The following IQCH variants were observed in gnomAD, a reference collection of about 807,000 sequenced individuals.
The protein encoded by IQCH is IQ domain-containing protein H.
In IQCH, 98 loss-of-function variants were observed where a neutral mutation model predicts 117.0. The ratio of observed to expected loss-of-function variants is 0.84; its 90% confidence interval spans 0.71 to 0.99. IQCH has a LOEUF of 0.99. IQCH is among the 50% of genes least tolerant of loss of function. The pLI, the probability that IQCH is intolerant of heterozygous loss-of-function variation, is 0.00. For synonymous variants in IQCH, 412 were observed against 448.2 expected (o/e 0.92, Z 1.02); for missense variants, 1,102 against 1,243.8 (o/e 0.89, Z 1.72).
At position 67,458,343 on chromosome 15, in the gene IQCH, A is replaced by G. The variant is rs1228112852; in HGVS notation, c.2506-6784A>G. Reference sequence around the variant, plus strand: ...TCCTTTTTCTCATACTGCACATCCAATCCATCAATAAGTCCTTTTAGTTCT... The same window carrying G: ...TCCTTTTTCTCATACTGCACATCCAGTCCATCAATAAGTCCTTTTAGTTCT... On this transcript the variant is annotated intron_variant, in intron 16 of 20. Transcript: ENST00000335894. This position sits in a 1 kb window ranked among gnomAD's most constrained non-coding sequence, Gnocchi z 4.1. 6.6e-6 allele frequency among the ~76,000 whole-genome samples: 1 copy of G among 152,160 alleles called. No homozygotes were observed. Among genetic ancestry groups the G allele is most frequent in the East Asian group, 1.9e-4 (1 of 5,198 alleles).
Position 67,490,112 on chromosome 15 carries a change from C to T in IQCH, c.2861+48C>T, listed in dbSNP as rs762638208. 2.5e-6 allele frequency: 3 copies of T among 1,177,190 alleles called. No homozygotes were observed. Among genetic ancestry groups the T allele is most frequent in the African/African-American group, 1.5e-5 (1 of 65,714 alleles). The allele number at this position is 1,177,190 out of a possible 1,614,324, so 72.9% of individuals were successfully genotyped here. A position where few individuals can be genotyped will look rare whatever the true frequency, so the allele number is the denominator to read the frequency against. On this transcript the variant is annotated intron_variant, in intron 19 of 20. Transcript: ENST00000335894. This position sits in a 1 kb window ranked among gnomAD's most constrained non-coding sequence, Gnocchi z 4.9. ...AGTTGCAATAAGCTAAGGAAATAGA[C>T]AATCACAACTAACAAGAATGATGCT...
rs965125714 is a variant in IQCH, at chr15:67,488,538, T to C, written c.2800-1465T>C. 5.9e-5 allele frequency among the ~76,000 whole-genome samples: 9 copies of C among 152,304 alleles called. No individual in the cohort carries two copies. In the South Asian group the frequency reaches 1.7e-3, roughly 28 times the overall value. ...TATCAGTTACCTATACTTTACAAAA[T>C]TGTAAAATATCTCCCATAGAATCAA... On this transcript the variant is annotated intron_variant, in intron 18 of 20. Coordinates refer to ENST00000335894, the MANE Select transcript of IQCH (RefSeq NM_001031715.3).
intron 18 of IQCH, among the ~76,000 whole-genome samples, chr15:67,484,456 C>T (rs976458688): frequency 1.9e-4 from 29 of 150,072 alleles, no homozygotes; most frequent in Middle Eastern, 3.6e-3. Flanking sequence ...AGGGGCTGGG[C>T]GCTGTGGCTC....
Position 67,395,468 on chromosome 15 carries a change from C to T in IQCH, c.1810C>T (p.His604Tyr), listed in dbSNP as rs1567152829. The change falls in exon 13 of 21, where the codon CAT becomes TAT. Residue 604 changes from histidine to tyrosine, a missense_variant. By Grantham distance (83) the His-to-Tyr change is moderately conservative. This residue lies in a region of IQCH where 650 missense variants were observed against 794.3 expected (regional missense o/e 0.82). Transcript: ENST00000335894. The surrounding 1 kb of genome is among the most constrained non-coding windows in gnomAD (Gnocchi z 4.0). ...CCTGGGCTCTGAGCCTGAACTAGCT[C>T]ATCTTTATAGTACCAAATCTGGAGG... ...PILGSEPELA[H>Y]LYSTKSGGKR... The T allele has an allele frequency of 6.2e-7, 1 of 1,614,076 alleles. No individual in the cohort carries two copies. The highest frequency in any genetic ancestry group is 1.1e-5 in the South Asian group (1 of 91,068).
chr15:67,435,120 G>A (rs753481262), intron 16 of IQCH, among the ~76,000 whole-genome samples: 9 of 151,652 alleles, frequency 5.9e-5, no homozygotes, highest in African/African-American at 1.2e-4. Context: ...CTCCCAAAGT[G>A]CTGGCATTAC....
Position 67,298,837 on chromosome 15 carries a change from G to C in IQCH, c.387+19325G>C, listed in dbSNP as rs142970490. Among the ~76,000 whole-genome samples, 11 of 152,214 alleles carry C rather than the reference G, an allele frequency of 7.2e-5. 2 individuals carry two copies. The highest frequency in any genetic ancestry group is 2.6e-4 in the African/African-American group (11 of 41,520). On this transcript the variant is annotated intron_variant, in intron 4 of 20. Coordinates refer to ENST00000335894, the MANE Select transcript of IQCH (RefSeq NM_001031715.3). The stretch of plus-strand genomic sequence containing the variant: ...GCAGAGATTGTGCCACTGTGCTCCA[G>C]CCTGGGTGACAGAGCAATAATCTGT...
At chr15:67,412,651 G>A (rs1428882646) in intron 14 of IQCH, among the ~76,000 whole-genome samples, 5 of 151,932 alleles carry the variant, frequency 3.3e-5, no homozygotes, top group African/African-American at 7.3e-5. Context: ...CACCCACCTC[G>A]GCCTCCCAAA....
At chr15:67,485,295 A>G (rs577266563) in intron 18 of IQCH, among the ~76,000 whole-genome samples, 1 of 152,362 alleles carries the variant, frequency 6.6e-6, no homozygotes, top group Admixed American at 6.5e-5. Context: ...ATAATTTAAT[A>G]TATGAATTTA....
In IQCH at chr15:67,424,508, CTG is replaced by C. The variant is rs1292564153; in HGVS notation, c.2505+2935_2505+2936del. ...ATTGTAAGCTCTTTTAAGCGATGTG[CTG>C]TGTTTCTTTTTGCTCCCCCACTGTA... On this transcript the variant is annotated intron_variant, in intron 16 of 20. Transcript: ENST00000335894. This position sits in a 1 kb window ranked among gnomAD's most constrained non-coding sequence, Gnocchi z 4.9. Among the ~76,000 whole-genome samples, 1 of 152,140 alleles carries C rather than the reference CTG, an allele frequency of 6.6e-6. No homozygotes were observed. The highest frequency in any genetic ancestry group is 1.9e-4 in the East Asian group (1 of 5,200).
intron 18 of IQCH, among the ~76,000 whole-genome samples, chr15:67,485,948 C>T (rs1197583480): frequency 4.1e-5 from 6 of 147,862 alleles, no homozygotes; most frequent in South Asian, 2.2e-4. Flanking sequence ...TGAGCCACTG[C>T]GCCCGACCAA....
chr15:67,422,633 A>G lies in IQCH; in HGVS notation c.2505+1056A>G, dbSNP rs568482504. On this transcript the variant is annotated intron_variant, in intron 16 of 20. Coordinates refer to ENST00000335894, the MANE Select transcript of IQCH (RefSeq NM_001031715.3). The surrounding 1 kb of genome is among the most constrained non-coding windows in gnomAD (Gnocchi z 4.7). Reference sequence around the variant, plus strand: ...CATGTTTTTAAGAATTTTGTAGATCATAACATTCTATCTATTATTATTTTA... The same window carrying G: ...CATGTTTTTAAGAATTTTGTAGATCGTAACATTCTATCTATTATTATTTTA... Among the ~76,000 whole-genome samples, 101 of 152,230 alleles carry G rather than the reference A, an allele frequency of 6.6e-4. No homozygotes were observed. Among genetic ancestry groups the G allele is most frequent in the Non-Finnish European group, 1.3e-3 (88 of 68,034 alleles).
In IQCH at chr15:67,395,560, A is replaced by G. The variant is rs1168463412; in HGVS notation, c.1902A>G (p.Gln634=). The G allele has an allele frequency of 3.7e-6, 6 of 1,613,708 alleles. No individual in the cohort carries two copies. Among genetic ancestry groups the G allele is most frequent in the African/African-American group, 1.3e-5 (1 of 74,914 alleles). ...PPGIYDIYSQ[Q]QMIEQLSQLI... ...GAATATATGATATTTATAGTCAGCA[A>G]CAGGTATGTGGGGTGGACAAGTGAA... The change falls in exon 13 of 21, where the codon CAA becomes CAG. Residue 634 remains glutamine (Q), a synonymous_variant. Transcript: ENST00000335894. The surrounding 1 kb of genome is among the most constrained non-coding windows in gnomAD (Gnocchi z 4.0).
Position 67,425,505 on chromosome 15 carries a change from G to A in IQCH, c.2505+3928G>A, listed in dbSNP as rs191487196. On this transcript the variant is annotated intron_variant, in intron 16 of 20. Coordinates refer to ENST00000335894, the MANE Select transcript of IQCH (RefSeq NM_001031715.3). This position sits in a 1 kb window ranked among gnomAD's most constrained non-coding sequence, Gnocchi z 5.5. Reference sequence around the variant, plus strand: ...CATGTGCCTGTAGTCCCAGCTGCCCGGGAGGCTAAGGCAGGAGAATCACTT... The same window carrying A: ...CATGTGCCTGTAGTCCCAGCTGCCCAGGAGGCTAAGGCAGGAGAATCACTT... Among the ~76,000 whole-genome samples, 500 of 152,250 alleles carry A rather than the reference G, an allele frequency of 3.3e-3. 2 individuals are homozygous for A. Among genetic ancestry groups the A allele is most frequent in the African/African-American group, 9.6e-3 (398 of 41,532 alleles).
rs183967174 is a variant in IQCH, at chr15:67,380,709, C to T, written c.1373-4227C>T. Among the ~76,000 whole-genome samples the T allele has an allele frequency of 4.6e-5, 7 of 152,314 alleles. 1 individual carries two copies. The highest frequency in any genetic ancestry group is 4.6e-4 in the Admixed American group (7 of 15,298). On this transcript the variant is annotated intron_variant, in intron 10 of 20. Transcript: ENST00000335894. ...CTGTATCAATGTCACTCTTCTTCACCTTTCTTCCAGTGTGCTCTCTTGATT... is the reference window on the plus strand; with the variant it reads ...CTGTATCAATGTCACTCTTCTTCACTTTTCTTCCAGTGTGCTCTCTTGATT...
intron 6 of IQCH, among the ~76,000 whole-genome samples, chr15:67,345,914 G>A (rs1969366559): frequency 6.6e-6 from 1 of 152,116 alleles, no homozygotes; most frequent in African/African-American, 2.4e-5. Context: ...CTGAATGAAG[G>A]TATACAGGAC....
At position 67,258,556 on chromosome 15, in the gene IQCH, A is replaced by T. The variant is rs142994699; in HGVS notation, c.52-2716A>T. 6.4e-3 allele frequency among the ~76,000 whole-genome samples: 969 copies of T among 151,528 alleles called. 11 individuals are homozygous for T. The highest frequency in any genetic ancestry group is 0.022 in the African/African-American group (928 of 41,276). On this transcript the variant is annotated intron_variant, in intron 1 of 20. Transcript: ENST00000335894. ...CAAAAAAAAAAAAAAGAATGAAGTTAAAGATAATTGAGGTGATGAGAATGA... is the reference window on the plus strand; with the variant it reads ...CAAAAAAAAAAAAAAGAATGAAGTTTAAGATAATTGAGGTGATGAGAATGA...
intron 15 of IQCH, among the ~76,000 whole-genome samples, chr15:67,419,738 A>G (rs991573288): frequency 6.6e-6 from 1 of 152,108 alleles, no homozygotes; most frequent in Non-Finnish European, 1.5e-5. Flanking sequence ...TTTACAATTC[A>G]CAATTTTTTT....
chr15:67,421,170 T>C (rs1476740711), intron 15 of IQCH, 121 bp from the exon 16 acceptor site: 1 of 748,424 alleles, frequency 1.3e-6, no homozygotes, highest in African/African-American at 1.8e-5. Context: ...TAAAGAAAAA[T>C]AAGTTCAGAG....
In IQCH at chr15:67,407,432, T is replaced by C. The variant is rs536595931; in HGVS notation, c.2097+7127T>C. On this transcript the variant is annotated intron_variant, in intron 14 of 20. Transcript: ENST00000335894. The surrounding 1 kb of genome is among the most constrained non-coding windows in gnomAD (Gnocchi z 5.3). ...CTTAGAATGTTTTCTTCCAGTTCAG[T>C]GGTTATTTTCATGAAGCTGCCAGGG... 9 of 152,302 alleles carry C rather than the reference T, an allele frequency of 5.9e-5. No homozygotes were observed. In the East Asian group the frequency reaches 1.5e-3, roughly 26 times the overall value. The allele number at this position is 152,302 out of a possible 1,614,324, so 9.4% of individuals were successfully genotyped here.
Sources: allele counts gnomAD v4.1 joint callset (sites outside exome capture counted in the v4.1 genomes callset), GRCh38; gene constraint gnomAD v4.1.1; regional missense constraint gnomAD v4.1.1; non-coding constraint Gnocchi (gnomAD v3.1); transcripts MANE v1.5; gene names NCBI Gene and HGNC (gene_info 2026-07-23, HGNC 2026-07-21).